Variants in FAM50B observed in about 807,000 individuals in gnomAD.
The protein encoded by FAM50B is family with sequence similarity 50 member B.
In FAM50B, 9 loss-of-function variants were observed where a neutral mutation model predicts 25.4. The observed-to-expected ratio is 0.35, with a 90% CI of 0.21 to 0.62. The LOEUF (loss-of-function observed/expected upper bound fraction) is 0.62. Ranked by LOEUF, FAM50B falls within the 20% of genes least tolerant of loss-of-function variation. FAM50B has a pLI of 0.73. For missense variants in FAM50B, 372 were observed against 477.9 expected (o/e 0.78, Z 2.07); for synonymous variants, 212 against 204.3 (o/e 1.04, Z -0.32).
chr6:3,840,087 G>C, the FAM50B span, among the ~76,000 whole-genome samples: 1 of 151,944 alleles, frequency 6.6e-6, no homozygotes, highest in South Asian at 2.1e-4. Flanking sequence ...CAGCCTCCCG[G>C]GTTCACGCCA....
chr6:3,846,719 T>C (rs1762127882), upstream of FAM50B, among the ~76,000 whole-genome samples: 1 of 152,246 alleles, frequency 6.6e-6, no homozygotes, highest in Non-Finnish European at 1.5e-5. Flanking sequence ...CAGTGGTGAA[T>C]GCCTTCCAGA....
At chr6:3,835,040 G>A in the FAM50B span, among the ~76,000 whole-genome samples, 2 of 152,192 alleles carry the variant, frequency 1.3e-5, no homozygotes, top group African/African-American at 4.8e-5. Flanking sequence ...ATATCAGAGA[G>A]AAATACAGGT....
Position 3,851,030 on chromosome 6 carries a change from G to A in FAM50B, c.*241G>A, listed in dbSNP as rs1047358343. On this transcript the variant is annotated 3_prime_UTR_variant, in exon 2 of 2. Coordinates refer to ENST00000648326, the MANE Select transcript of FAM50B (RefSeq NM_012135.3). ...CTGCATTGCTCTGCTGAGCTGTATT[G>A]AAACCATGACTGGGCCCACTGTCAG... The A allele has an allele frequency of 1.7e-6, 1 of 596,430 alleles. No homozygotes were observed. Among genetic ancestry groups the A allele is most frequent in the African/African-American group, 1.9e-5 (1 of 53,512 alleles). The allele number at this position is 596,430 out of a possible 1,614,324, so 36.9% of individuals were successfully genotyped here.
chr6:3,847,638 T>G (rs1762138075), upstream of FAM50B, among the ~76,000 whole-genome samples: 1 of 152,254 alleles, frequency 6.6e-6, no homozygotes, highest in South Asian at 2.1e-4. Context: ...CATTCATATG[T>G]TTACCAGGAA....
chr6:3,848,808 G>C (rs1762154671), upstream of FAM50B, among the ~76,000 whole-genome samples: 1 of 152,206 alleles, frequency 6.6e-6, no homozygotes, highest in Admixed American at 6.5e-5. Context: ...GGAAACTGCT[G>C]TATAGAAGAG....
upstream of FAM50B, among the ~76,000 whole-genome samples, chr6:3,846,905 G>A (rs1762130315): frequency 6.6e-6 from 1 of 152,212 alleles, no homozygotes; most frequent in African/African-American, 2.4e-5. Flanking sequence ...TAATCTCCTT[G>A]AGCATCTCCA....
the FAM50B span, chr6:3,831,910 C>T: frequency 1.3e-5 from 2 of 152,174 alleles, no homozygotes; most frequent in African/African-American, 4.8e-5. Flanking sequence ...TAGTGCCTGC[C>T]ATGGCAGTTG....
At chr6:3,844,540 G>A (rs1381383234), upstream of FAM50B, among the ~76,000 whole-genome samples, 6 of 151,848 alleles carry the variant, frequency 4.0e-5, no homozygotes, top group African/African-American at 9.7e-5. Context: ...GCAAAACCCC[G>A]TCTCTACTAA....
the FAM50B span, among the ~76,000 whole-genome samples, chr6:3,835,255 A>C: frequency 6.6e-6 from 1 of 152,220 alleles, no homozygotes; most frequent in East Asian, 1.9e-4. Context: ...CCAGGGGAGC[A>C]TAAGGGGTTG....
chr6:3,849,158 G>A (rs1258708392), upstream of FAM50B, among the ~76,000 whole-genome samples: 10 of 152,200 alleles, frequency 6.6e-5, no homozygotes, highest in Admixed American at 6.5e-4. Context: ...GGCCAGCCAC[G>A]GCTGGGCAGG....
At position 3,850,327 on chromosome 6, in the gene FAM50B, G is replaced by T; in HGVS notation, c.516G>T (p.Glu172Asp). The change falls in exon 2 of 2, where the codon GAG becomes GAT. Residue 172 changes from glutamate (E) to aspartate (D), a missense_variant. Around this residue, in one of 4 missense-constraint regions of FAM50B, gnomAD observed 224 missense variants for 232.2 expected, o/e 0.96. Coordinates refer to ENST00000648326, the MANE Select transcript of FAM50B (RefSeq NM_012135.3). ...GGCTCCGAGAGGAGCTGCGCCAAGA[G>T]TGGGAGGCGCAGCGCGAGAAAGTGA... ...ENRLREELRQ[E>D]WEAQREKVKD... 1 of 1,613,348 alleles carries T rather than the reference G, an allele frequency of 6.2e-7. No individual in the cohort carries two copies. Among genetic ancestry groups the T allele is most frequent in the Non-Finnish European group, 8.5e-7 (1 of 1,179,838 alleles).
chr6:3,846,499 T>C (rs1394472024), upstream of FAM50B, among the ~76,000 whole-genome samples: 1 of 152,220 alleles, frequency 6.6e-6, no homozygotes, highest in East Asian at 1.9e-4. Flanking sequence ...GTGTTGATGG[T>C]TGCTGACTGA....
the FAM50B span, among the ~76,000 whole-genome samples, chr6:3,840,821 T>A: frequency 6.6e-6 from 1 of 152,240 alleles, no homozygotes; most frequent in Non-Finnish European, 1.5e-5. Context: ...TCCAGGCATT[T>A]GTCAATACTT....
At chr6:3,832,505 C>G in the FAM50B span, among the ~76,000 whole-genome samples, 1 of 152,352 alleles carries the variant, frequency 6.6e-6, no homozygotes, top group Admixed American at 6.5e-5. Flanking sequence ...CACTGCCTGT[C>G]CCTGGCTTCT....
the FAM50B span, among the ~76,000 whole-genome samples, chr6:3,832,247 T>C: frequency 6.6e-6 from 1 of 152,234 alleles, no homozygotes; most frequent in Non-Finnish European, 1.5e-5. Context: ...AAGACCTTTT[T>C]AGAAGGTGGT....
the FAM50B span, among the ~76,000 whole-genome samples, chr6:3,843,568 T>C: frequency 1.3e-5 from 2 of 152,198 alleles, no homozygotes; most frequent in South Asian, 2.1e-4. Context: ...GTGGATTTTT[T>C]CCCCCAGGGA....
rs767093077 is a variant in FAM50B, at chr6:3,849,965, C to T, written c.154C>T (p.His52Tyr). The T allele has an allele frequency of 1.9e-6, 3 of 1,613,908 alleles. No homozygotes were observed. The highest frequency in any genetic ancestry group is 2.2e-5 in the South Asian group (2 of 91,084). The part of the protein sequence containing the change: ...KSQVDKRFSA[H>Y]YDAVEAELKS... The stretch of plus-strand genomic sequence containing the variant: ...GCAGGTGGACAAGAGGTTCTCGGCG[C>T]ATTACGACGCCGTGGAGGCCGAGCT... Residue 52 changes from histidine to tyrosine, a missense_variant, in exon 2 of 2, where the codon CAT (histidine) becomes TAT (tyrosine). By Grantham distance (83) the His-to-Tyr change is moderately conservative (BLOSUM62 2). Transcript: ENST00000648326.
chr6:3,842,869 A>G, the FAM50B span, among the ~76,000 whole-genome samples: 6 of 152,344 alleles, frequency 3.9e-5, no homozygotes, highest in East Asian at 1.2e-3. Context: ...TTCGCAATTA[A>G]TATTTTATCT....
chr6:3,843,724 T>A, the FAM50B span, among the ~76,000 whole-genome samples: 1 of 152,248 alleles, frequency 6.6e-6, no homozygotes, highest in East Asian at 1.9e-4. Flanking sequence ...AAGCAAAGGT[T>A]GGAAGACATT....
Sources: allele counts gnomAD v4.1 joint callset (sites outside exome capture counted in the v4.1 genomes callset), GRCh38; gene constraint gnomAD v4.1.1; regional missense constraint gnomAD v4.1.1; transcripts MANE v1.5; gene names NCBI Gene and HGNC (gene_info 2026-07-23, HGNC 2026-07-21).